Variants in KIT observed in about 807,000 individuals in gnomAD.
KIT encodes KIT proto-oncogene, receptor tyrosine kinase, also known as mast/stem cell growth factor receptor Kit.
KIT carries 16 observed loss-of-function variants against 105.7 expected under a neutral mutation model. The ratio of observed to expected loss-of-function variants is 0.15; its 90% CI spans 0.10 to 0.23. The LOEUF (loss-of-function observed/expected upper bound fraction) is 0.23, where lower values mean the gene tolerates loss of function less well. Ranked by LOEUF, KIT falls within the 10% of genes least tolerant of loss-of-function variation. The pLI, the probability that KIT is intolerant of heterozygous loss-of-function variation, is 1.00. For missense variants in KIT, 858 were observed against 1,213.8 expected (o/e 0.71, Z 4.36); for synonymous variants, 438 against 441.1 (o/e 0.99, Z 0.09).
intron 1 of KIT, among the ~76,000 whole-genome samples, chr4:54,692,521 T>A (rs1719782007): frequency 6.6e-6 from 1 of 152,154 alleles, no homozygotes; most frequent in South Asian, 2.1e-4. Context: ...GATCAACCCA[T>A]GAGAAAATGG....
Position 54,661,438 on chromosome 4 carries a change from C to T in KIT, c.67+3357C>T, listed in dbSNP as rs1336756595. Among the ~76,000 whole-genome samples the T allele has an allele frequency of 3.9e-5, 6 of 152,144 alleles. No homozygotes were observed. In the East Asian group the frequency reaches 1.2e-3, roughly 29 times the overall value. The stretch of plus-strand genomic sequence containing the variant: ...TTGACTCATTTCCTCAAGTCTCTTC[C>T]AGCTGATTAAAGAAGGACACGAGGA... On this transcript the variant is annotated intron_variant, in intron 1 of 20. Transcript: ENST00000288135.
chr4:54,712,125 CCTTT>C (rs1480962116), intron 7 of KIT, among the ~76,000 whole-genome samples: 1 of 152,100 alleles, frequency 6.6e-6, no homozygotes, highest in Non-Finnish European at 1.5e-5. Context: ...TGCTTCTCAA[CCTTT>C]CTATGTTAAA....
In KIT at chr4:54,731,051, T is replaced by C. The variant is rs558348047; in HGVS notation, c.2142-277T>C. On this transcript the variant is annotated intron_variant, in intron 14 of 20. Transcript: ENST00000288135. ...GGCTCTCTGTCTCCCATTAAATTCA[T>C]TGTGTCAAGAGACGGGAAATTTCTA... Among the ~76,000 whole-genome samples, 8 of 152,284 alleles carry C rather than the reference T, an allele frequency of 5.3e-5. No homozygotes were observed. In the South Asian group the frequency reaches 1.5e-3, roughly 28 times the overall value.
rs1025179433 is a variant in KIT, at chr4:54,709,348, A to T, written c.1116-76A>T. ...TTTCCTCAAACAGGCATAGATTTCCAGGTAGAAACTGAAAAAGACATGCCT... is the reference window on the plus strand; with the variant it reads ...TTTCCTCAAACAGGCATAGATTTCCTGGTAGAAACTGAAAAAGACATGCCT... On this transcript the variant is annotated intron_variant, in intron 6 of 20. Transcript: ENST00000288135. 1.1e-5 allele frequency: 10 copies of T among 916,042 alleles called. No homozygotes were observed. The African/African-American group carries it at 1.5e-4, about 13-fold the overall frequency. The allele number at this position is 916,042 out of a possible 1,614,324, so 56.7% of individuals were successfully genotyped here.
At chr4:54,699,877 G>A (rs1343330998) in intron 4 of KIT, 111 bp downstream of exon 4, 7 of 1,181,172 alleles carry the variant, frequency 5.9e-6, no homozygotes, top group East Asian at 2.4e-5. Flanking sequence ...TCTGTCAGAG[G>A]TGGATTGTCT....
chr4:54,718,596 C>T (rs1721649480), intron 7 of KIT, among the ~76,000 whole-genome samples: 2 of 152,168 alleles, frequency 1.3e-5, no homozygotes, highest in South Asian at 2.1e-4. Context: ...GCAGGAAAGA[C>T]CTTATGGCCC....
intron 1 of KIT, 36 bp downstream of exon 1, chr4:54,658,117 T>A (rs1716951287): frequency 1.2e-6 from 2 of 1,606,282 alleles, no homozygotes; most frequent in East Asian, 4.5e-5. Context: ...ACCGTGCGAC[T>A]ACTCGGCGAA....
intron 16 of KIT, among the ~76,000 whole-genome samples, chr4:54,732,840 G>A (rs905082762): frequency 2.0e-5 from 3 of 152,186 alleles, no homozygotes; most frequent in African/African-American, 7.2e-5. Context: ...GAAGAAAACA[G>A]CATTTATTAG....
At chr4:54,736,942 T>C (rs1722956406) in intron 19 of KIT, 122 bp downstream of exon 19, 1 of 777,168 alleles carries the variant, frequency 1.3e-6, no homozygotes, top group Non-Finnish European at 2.3e-6. Flanking sequence ...GGATTCTTTA[T>C]GACACACTGG....
intron 7 of KIT, among the ~76,000 whole-genome samples, chr4:54,717,389 A>G (rs189985380): frequency 6.6e-6 from 1 of 152,136 alleles, no homozygotes; most frequent in African/African-American, 2.4e-5. Context: ...TGATGTAAAC[A>G]CTGAACCTGT....
At chr4:54,689,535 A>G (rs964917807) in intron 1 of KIT, among the ~76,000 whole-genome samples, 2 of 152,226 alleles carry the variant, frequency 1.3e-5, no homozygotes, top group Non-Finnish European at 2.9e-5. Flanking sequence ...AACTAAATAA[A>G]AATAGTGAAG....
chr4:54,716,931 G>C (rs1194334186), intron 7 of KIT, among the ~76,000 whole-genome samples: 1 of 152,118 alleles, frequency 6.6e-6, no homozygotes, highest in Non-Finnish European at 1.5e-5. Flanking sequence ...GATCTTCTTA[G>C]TGTGGTAGCT....
intron 1 of KIT, among the ~76,000 whole-genome samples, chr4:54,675,569 G>T (rs1718408646): frequency 6.6e-6 from 1 of 152,204 alleles, no homozygotes; most frequent in Non-Finnish European, 1.5e-5. Flanking sequence ...AAACCAATGT[G>T]ATTGTTTTGG....
rs542017910 is a variant in KIT at position 54,661,531 on chromosome 4, G to A, written c.67+3450G>A. Among the ~76,000 whole-genome samples the A allele has an allele frequency of 1.8e-4, 28 of 152,370 alleles. 1 individual carries two copies. The highest frequency in any genetic ancestry group is 9.1e-4 in the Admixed American group (14 of 15,308). On this transcript the variant is annotated intron_variant, in intron 1 of 20. Transcript: ENST00000288135. Reference sequence around the variant, plus strand: ...GCAGTGTGGGGACCCCTTCAAGGTAGTGGTCAAGGCTGTGGCAGCTTTTTC... The same window carrying A: ...GCAGTGTGGGGACCCCTTCAAGGTAATGGTCAAGGCTGTGGCAGCTTTTTC...
chr4:54,721,788 T>A (rs1445020577), intron 7 of KIT, among the ~76,000 whole-genome samples: 1 of 152,206 alleles, frequency 6.6e-6, no homozygotes, highest in Non-Finnish European at 1.5e-5. Flanking sequence ...GCATATATTT[T>A]CCCTATCAGT....
At chr4:54,713,470 G>T (rs1721283732) in intron 7 of KIT, among the ~76,000 whole-genome samples, 1 of 152,056 alleles carries the variant, frequency 6.6e-6, no homozygotes, top group African/African-American at 2.4e-5. Context: ...GTACTGTATG[G>T]TTTATTTTGT....
chr4:54,707,780 G>A (rs112936649), intron 6 of KIT, among the ~76,000 whole-genome samples: 11 of 152,266 alleles, frequency 7.2e-5, no homozygotes, highest in African/African-American at 2.4e-4. Flanking sequence ...TAAGACATAA[G>A]TGCTTTTTTT....
chr4:54,740,295 T>G lies in KIT; in HGVS notation c.*1738T>G, dbSNP rs1723171671. 4.3e-6 allele frequency: 1 copy of G among 233,600 alleles called. No individual in the cohort carries two copies. The highest frequency in any genetic ancestry group is 2.2e-5 in the African/African-American group (1 of 45,474). The allele number at this position is 233,600 out of a possible 1,614,324, so 14.5% of individuals were successfully genotyped here. A position where few individuals can be genotyped will look rare whatever the true frequency, so the allele number is the denominator to read the frequency against. ...CCCAAGAGATTGTTGTTTGCCATAC[T>G]TTGTCTGAAAAATTCCTTTGTGTTT... is the stretch of plus-strand genomic sequence containing the variant. On this transcript the variant is annotated 3_prime_UTR_variant, in exon 21 of 21. Transcript: ENST00000288135.
chr4:54,731,492 A>G (rs149377208), intron 15 of KIT, 73 bp downstream of exon 15: 1 of 1,028,822 alleles, frequency 9.7e-7, no homozygotes, highest in Non-Finnish European at 1.5e-6. Flanking sequence ...TGTGGAATAT[A>G]ACATCATTCC....
Sources: allele counts gnomAD v4.1 joint callset (sites outside exome capture counted in the v4.1 genomes callset), GRCh38; gene constraint gnomAD v4.1.1; transcripts MANE v1.5; gene names NCBI Gene and HGNC (gene_info 2026-07-23, HGNC 2026-07-21).